The following MX2 variants were observed in gnomAD, a reference collection of about 807,000 sequenced individuals.
The protein encoded by MX2 is interferon-induced GTP-binding protein Mx2.
A neutral mutation model predicts 74.0 loss-of-function variants in MX2; 51 were observed. The ratio of observed to expected loss-of-function variants is 0.69; its 90% CI spans 0.55 to 0.87. The LOEUF (loss-of-function observed/expected upper bound fraction) is 0.87. Among genes scored for constraint, MX2 ranks in the 40% least tolerant of loss-of-function variants. The pLI, the probability that MX2 is intolerant of heterozygous loss-of-function variation, is 0.00. For missense variants in MX2, 832 were observed against 908.7 expected, an observed-to-expected ratio of 0.92 and a Z score of 1.09; for synonymous variants, 369 against 339.3, an observed-to-expected ratio of 1.09 and a Z score of -0.96.
At chr21:41,396,149 G>C (rs1160772189) in intron 7 of MX2, among the ~76,000 whole-genome samples, 2 of 152,154 alleles carry the variant, frequency 1.3e-5, no homozygotes, top group Non-Finnish European at 2.9e-5. Flanking sequence ...TAGTGAATGG[G>C]AACAGGACTG....
At chr21:41,373,805 T>TAAAAAAAAAA (rs34254609) in intron 1 of MX2, 1 of 91,154 alleles carries the variant, frequency 1.1e-5, no homozygotes, top group African/African-American at 4.3e-5. Context: ...CTCTCAAACT[T>TAAAAAAAAAA]AAAAAAAAAA....
intron 6 of MX2, among the ~76,000 whole-genome samples, chr21:41,394,932 A>C (rs1292045037): frequency 6.8e-6 from 1 of 147,956 alleles, no homozygotes; most frequent in Non-Finnish European, 1.5e-5. Context: ...TCCATCTCAA[A>C]AAAGAAAGAG....
chr21:41,408,112 C>T lies in MX2; in HGVS notation c.2027C>T (p.Ser676Phe), dbSNP rs999649358. 6.2e-7 allele frequency: 1 copy of T among 1,614,216 alleles called. No homozygotes were observed. Among genetic ancestry groups the T allele is most frequent in the Non-Finnish European group, 8.5e-7 (1 of 1,180,044 alleles). Reference protein sequence around the residue: ...MQILQEKNRYSWLLQEQSETA... With the variant: ...MQILQEKNRYFWLLQEQSETA... ...ATACTACAGGAAAAAAATCGCTATTCCTGGCTGCTTCAAGAGCAGAGTGAG... is the reference window on the plus strand; with the variant it reads ...ATACTACAGGAAAAAAATCGCTATTTCTGGCTGCTTCAAGAGCAGAGTGAG... The change falls in exon 14 of 14, where the codon TCC becomes TTC. Residue 676 changes from serine to phenylalanine, a missense_variant. By Grantham distance (155) the Ser-to-Phe change is radical. Transcript: ENST00000330714.
At chr21:41,377,591 A>G (rs2089422799) in intron 2 of MX2, among the ~76,000 whole-genome samples, 198 bp from the exon 3 acceptor site, 1 of 152,168 alleles carries the variant, frequency 6.6e-6, no homozygotes, top group African/African-American at 2.4e-5. Flanking sequence ...AAATCCTCCC[A>G]GCATCTGCCC....
At chr21:41,397,858 T>C (rs544801177) in intron 8 of MX2, among the ~76,000 whole-genome samples, 167 bp downstream of exon 8, 47 of 152,214 alleles carry the variant, frequency 3.1e-4, no homozygotes, top group African/African-American at 1.0e-3. Flanking sequence ...AACTTCCAAA[T>C]TGGGGAAGCA....
intron 2 of MX2, among the ~76,000 whole-genome samples, 167 bp downstream of exon 2, chr21:41,377,322 G>A (rs776293724): frequency 2.6e-4 from 39 of 152,332 alleles, no homozygotes; most frequent in Non-Finnish European, 4.6e-4. Context: ...AACATACATA[G>A]ACTCTCCTGC....
In MX2 at chr21:41,409,301, C is replaced by T. The variant is rs1250184369; in HGVS notation, c.*1068C>T. On this transcript the variant is annotated 3_prime_UTR_variant, in exon 14 of 14. Transcript: ENST00000330714. The stretch of plus-strand genomic sequence containing the variant: ...GAGAGAACTTCACACCAGTGATCAT[C>T]ATTATGGGTAATTTTCTTTTCTTCT... The T allele has an allele frequency of 6.6e-6, 1 of 152,088 alleles. No individual in the cohort carries two copies. Among genetic ancestry groups the T allele is most frequent in the Non-Finnish European group, 1.5e-5 (1 of 68,018 alleles). The allele number at this position is 152,088 out of a possible 1,614,324, so 9.4% of individuals were successfully genotyped here. A position where few individuals can be genotyped will look rare whatever the true frequency, so the allele number is the denominator to read the frequency against.
chr21:41,400,327 G>A (rs2089794930), intron 10 of MX2, among the ~76,000 whole-genome samples: 1 of 152,086 alleles, frequency 6.6e-6, no homozygotes, highest in Non-Finnish European at 1.5e-5. Flanking sequence ...TTTTTTAACT[G>A]CTAAAATGTG....
chr21:41,385,500 G>C (rs995565181), intron 5 of MX2, among the ~76,000 whole-genome samples: 1 of 152,224 alleles, frequency 6.6e-6, no homozygotes, highest in Non-Finnish European at 1.5e-5. Context: ...TGCTATGTAA[G>C]ATGTGCCTTT....
intron 1 of MX2, 96 bp from the exon 2 acceptor site, chr21:41,376,727 TGTGTAGGGGGTAG>T: frequency 1.3e-6 from 1 of 760,072 alleles, no homozygotes. Flanking sequence ...TCTGCATCTG[TGTGTAGGGGGTAG>T]GTTGTAGGGT....
intron 3 of MX2, 117 bp from the exon 4 acceptor site, chr21:41,379,900 A>G (rs1271380444): frequency 1.5e-6 from 2 of 1,330,654 alleles, no homozygotes; most frequent in South Asian, 1.4e-5. Flanking sequence ...GGCCCCAGGG[A>G]GAGCCAGAAA....
At chr21:41,369,978 T>G (rs2089302046) in intron 1 of MX2, among the ~76,000 whole-genome samples, 1 of 152,186 alleles carries the variant, frequency 6.6e-6, no homozygotes, top group Admixed American at 6.5e-5. Flanking sequence ...TGCTCTCTAC[T>G]TTGGAAAGCC....
chr21:41,386,993 CAG>C (rs1011746901), intron 5 of MX2, among the ~76,000 whole-genome samples: 3 of 150,196 alleles, frequency 2.0e-5, no homozygotes, highest in African/African-American at 7.4e-5. Flanking sequence ...TAAAACAAAA[CAG>C]AACAACAACA....
rs933277485 is a variant in MX2 at position 41,377,845 on chromosome 21, C to G, written c.306C>G (p.Asp102Glu). 2.5e-6 allele frequency: 4 copies of G among 1,614,120 alleles called. No homozygotes were observed. Among genetic ancestry groups the G allele is most frequent in the Admixed American group, 1.7e-5 (1 of 60,012 alleles). Reference protein sequence around the residue: ...QYEQKVRPCIDLIDSLRALGV... With the variant: ...QYEQKVRPCIELIDSLRALGV... ...AGCAGAAGGTGCGCCCCTGCATTGA[C>G]CTCATCGACTCCCTGCGGGCTCTGG... The change falls in exon 3 of 14, where the codon GAC becomes GAG. Residue 102 changes from aspartate to glutamate, a missense_variant. By Grantham distance (45) the Asp-to-Glu change is conservative (BLOSUM62 2). Coordinates refer to ENST00000330714, the MANE Select transcript of MX2 (RefSeq NM_002463.2).
At chr21:41,403,645 A>T (rs1484190320) in intron 12 of MX2, 1 of 622,496 alleles carries the variant, frequency 1.6e-6, no homozygotes, top group South Asian at 1.4e-5. Flanking sequence ...TGGTAGGCTG[A>T]ATCTTTTTCA....
rs145777322 is a variant in MX2, at chr21:41,398,918, G to A, written c.1171G>A (p.Gly391Arg). Reference protein sequence around the residue: ...HIQKSLPLLEGQIRESHQKAT... With the variant: ...HIQKSLPLLERQIRESHQKAT... ...TTAGAAATCGCTCCCGTTGTTAGAA[G>A]GACAAATAAGGGAGAGCCACCAGAA... The change falls in exon 9 of 14, where the codon GGA becomes AGA. Residue 391 changes from glycine (G) to arginine (R), a missense_variant. Gly to Arg is a moderately radical substitution (Grantham distance 125). Transcript: ENST00000330714. The A allele has an allele frequency of 1.7e-5, 28 of 1,613,462 alleles. No individual in the cohort carries two copies. The African/African-American group carries it at 3.2e-4, about 18-fold the overall frequency.
chr21:41,367,239 CTAATCTTAACA>C (rs988805655), intron 1 of MX2: 10 of 152,038 alleles, frequency 6.6e-5, no homozygotes, highest in Non-Finnish European at 8.8e-5. Flanking sequence ...ATTAAGGAGA[CTAATCTTAACA>C]TAATCTTAAC....
chr21:41,401,213 C>A (rs1336010474), intron 10 of MX2: 1 of 148,930 alleles, frequency 6.7e-6, no homozygotes, highest in Non-Finnish European at 1.5e-5. Flanking sequence ...CAGAGCCAAA[C>A]ACAATTTGAG....
chr21:41,399,140 G>T, intron 9 of MX2, 56 bp from the exon 10 acceptor site: 1 of 1,602,826 alleles, frequency 6.2e-7, no homozygotes, highest in Non-Finnish European at 8.5e-7. Context: ...TGCAACGCCG[G>T]TCCCAGTTCT....
Sources: gnomAD v4.1 joint callset for allele counts (sites outside exome capture counted in the v4.1 genomes callset) on GRCh38, gnomAD v4.1.1 for gene constraint, MANE v1.5 for transcripts, NCBI Gene and HGNC (gene_info 2026-07-23, HGNC 2026-07-21) for gene names.